The following FHIT variants were observed in gnomAD, a reference collection of about 807,000 sequenced individuals.
The protein encoded by FHIT is fragile histidine triad diadenosine triphosphatase.
A neutral mutation model predicts 17.9 loss-of-function variants in FHIT; 19 were observed. The ratio of observed to expected loss-of-function variants is 1.06; its 90% confidence interval spans 0.74 to 1.56. FHIT has a LOEUF of 1.56. Ranked by LOEUF, FHIT falls within the 40% of genes most tolerant of loss-of-function variation. FHIT has a pLI of 0.00. For synonymous variants in FHIT, 81 were observed against 69.7 expected, an observed-to-expected ratio of 1.16 and a Z score of -0.81; for missense variants, 248 against 189.2, an observed-to-expected ratio of 1.31 and a Z score of -1.82.
At chr3:59,941,995 T>C (rs1280173767) in intron 7 of FHIT, among the ~76,000 whole-genome samples, 4 of 152,158 alleles carry the variant, frequency 2.6e-5, no homozygotes, top group Non-Finnish European at 5.9e-5. Flanking sequence ...CCTTCCCCCA[T>C]AATACAGTCA....
rs75338427 is a variant in FHIT, at chr3:59,831,447, G to C, written c.349-79126C>G. Among the ~76,000 whole-genome samples, 43 of 152,244 alleles carry C rather than the reference G, an allele frequency of 2.8e-4. No homozygotes were observed. The East Asian group carries it at 8.1e-3, about 29-fold the overall frequency. ...AGACACTGAGTCTTAGAAAGGTTAA[G>C]AAGCTTGATCAAAGAAGTAATAAAG... On this transcript the variant is annotated intron_variant, in intron 8 of 9. Transcript: ENST00000492590.
chr3:59,835,073 A>G (rs1295092647), intron 8 of FHIT, among the ~76,000 whole-genome samples: 1 of 152,138 alleles, frequency 6.6e-6, no homozygotes, highest in Non-Finnish European at 1.5e-5. Flanking sequence ...AAATAACCCA[A>G]TCTTCTGTCT....
intron 8 of FHIT, among the ~76,000 whole-genome samples, chr3:59,855,758 A>G (rs1003623403): frequency 1.3e-5 from 2 of 152,076 alleles, no homozygotes; most frequent in African/African-American, 4.8e-5. Flanking sequence ...ATTCTTTGAT[A>G]AAATAATTAA....
intron 5 of FHIT, among the ~76,000 whole-genome samples, chr3:60,262,186 T>C (rs564773016): frequency 1.3e-5 from 2 of 152,206 alleles, no homozygotes; most frequent in East Asian, 3.9e-4. Flanking sequence ...TTTTGTCCCC[T>C]ACAGCATCTA....
At chr3:60,456,292 C>A (rs984855867) in intron 5 of FHIT, among the ~76,000 whole-genome samples, 3 of 152,198 alleles carry the variant, frequency 2.0e-5, no homozygotes, top group Non-Finnish European at 4.4e-5. Flanking sequence ...ATGATGGTTA[C>A]CGACAAATCT....
chr3:60,906,803 A>G (rs1053621546), intron 3 of FHIT, among the ~76,000 whole-genome samples: 3 of 152,290 alleles, frequency 2.0e-5, no homozygotes, highest in African/African-American at 7.2e-5. Flanking sequence ...GTATTTCAAT[A>G]TGAAATGTAG....
intron 4 of FHIT, among the ~76,000 whole-genome samples, chr3:60,801,438 C>T (rs1006293598): frequency 6.6e-6 from 1 of 152,330 alleles, no homozygotes; most frequent in Non-Finnish European, 1.5e-5. Context: ...AATCCACTAA[C>T]TACTTGCCCT....
chr3:60,827,271 C>T (rs138963917), intron 3 of FHIT, among the ~76,000 whole-genome samples: 1 of 152,264 alleles, frequency 6.6e-6, no homozygotes, highest in East Asian at 1.9e-4. Context: ...ACAACCAAAC[C>T]TTCAAAGAAA....
intron 5 of FHIT, among the ~76,000 whole-genome samples, chr3:60,357,283 C>T (rs1482730271): frequency 5.9e-5 from 9 of 152,276 alleles, no homozygotes; most frequent in Admixed American, 1.3e-4. Flanking sequence ...TCTTGGCTCA[C>T]TGCAACCTCT....
intron 1 of FHIT, 132 bp downstream of exon 1, chr3:61,251,169 G>A (rs2040615210): frequency 6.6e-6 from 1 of 152,314 alleles, no homozygotes; most frequent in African/African-American, 2.4e-5. Context: ...AAGAGTACTC[G>A]GGACAGAAGC....
chr3:60,103,311 T>A (rs1346880149), intron 5 of FHIT, among the ~76,000 whole-genome samples: 1 of 152,178 alleles, frequency 6.6e-6, no homozygotes, highest in Non-Finnish European at 1.5e-5. Context: ...AGGAACCAAA[T>A]TGACACAACA....
rs1576090162 is a variant in FHIT at position 60,096,753 on chromosome 3, T to C, written c.104-82601A>G. Among the ~76,000 whole-genome samples the C allele has an allele frequency of 2.0e-5, 3 of 152,248 alleles. 1 individual carries two copies. The highest frequency in any genetic ancestry group is 2.4e-5 in the African/African-American group (1 of 41,554). ...GACGCATGGACAAAGAAAAACAAAC[T>C]GCTGGCTAAATACAGAGCAGAGAGT... is the stretch of plus-strand genomic sequence containing the variant. On this transcript the variant is annotated intron_variant, in intron 5 of 9. Transcript: ENST00000492590.
At chr3:60,284,373 A>G (rs1022893113) in intron 5 of FHIT, among the ~76,000 whole-genome samples, 5 of 152,248 alleles carry the variant, frequency 3.3e-5, no homozygotes, top group East Asian at 3.9e-4. Context: ...CACAGTTCCA[A>G]ACATAGTATG....
chr3:60,602,231 A>T (rs1553669029), intron 4 of FHIT, among the ~76,000 whole-genome samples: 1 of 152,218 alleles, frequency 6.6e-6, no homozygotes, highest in Non-Finnish European at 1.5e-5. Flanking sequence ...CATCCTAATT[A>T]AGCTATTACA....
At chr3:60,662,457 T>C (rs1294479887) in intron 4 of FHIT, among the ~76,000 whole-genome samples, 1 of 152,186 alleles carries the variant, frequency 6.6e-6, no homozygotes, top group African/African-American at 2.4e-5. Flanking sequence ...ATAGTATAGT[T>C]TGAAGTTGGG....
At chr3:60,858,134 G>A (rs1421558737) in intron 3 of FHIT, among the ~76,000 whole-genome samples, 1 of 152,170 alleles carries the variant, frequency 6.6e-6, no homozygotes, top group African/African-American at 2.4e-5. Flanking sequence ...GACACATGGT[G>A]TGTATGCAAT....
intron 8 of FHIT, among the ~76,000 whole-genome samples, chr3:59,883,851 C>T (rs1287494966): frequency 3.3e-5 from 5 of 152,168 alleles, no homozygotes; most frequent in Non-Finnish European, 7.4e-5. Context: ...AGCTTAAAAG[C>T]ATATTGTGTC....
chr3:60,740,017 A>G (rs2042211091), intron 4 of FHIT, among the ~76,000 whole-genome samples: 1 of 152,250 alleles, frequency 6.6e-6, no homozygotes, highest in Admixed American at 6.5e-5. Flanking sequence ...ATAATAGAAT[A>G]TCCTTCTATC....
chr3:59,908,412 G>A (rs2107122486), intron 8 of FHIT, among the ~76,000 whole-genome samples: 1 of 152,322 alleles, frequency 6.6e-6, no homozygotes, highest in African/African-American at 2.4e-5. Flanking sequence ...GCTGGCAAAG[G>A]CCAAAGAGTA....
Sources: allele counts gnomAD v4.1 joint callset (sites outside exome capture counted in the v4.1 genomes callset), GRCh38; gene constraint gnomAD v4.1.1; transcripts MANE v1.5; gene names NCBI Gene and HGNC (gene_info 2026-07-23, HGNC 2026-07-21).